Variants in TNFAIP8 observed in about 807,000 individuals in gnomAD.
TNFAIP8 encodes the protein TNF alpha induced protein 8.
TNFAIP8 carries 7 observed loss-of-function variants against 13.3 expected under a neutral mutation model. The observed-to-expected ratio is 0.52, with a 90% CI of 0.30 to 0.99. The LOEUF is 0.99. Among genes scored for constraint, TNFAIP8 ranks in the 50% least tolerant of loss-of-function variants. The probability of loss-of-function intolerance (pLI) is 0.07; values close to 1 mark genes in which losing one functional copy is unlikely to be tolerated. For synonymous variants in TNFAIP8, 94 were observed against 87.6 expected, an observed-to-expected ratio of 1.07 and a Z score of -0.41; for missense variants, 258 against 236.9, an observed-to-expected ratio of 1.09 and a Z score of -0.58.
intron 1 of TNFAIP8, among the ~76,000 whole-genome samples, chr5:119,335,500 A>G (rs952295811): frequency 9.9e-5 from 15 of 151,888 alleles, no homozygotes; most frequent in Non-Finnish European, 2.9e-5. Flanking sequence ...TTTATGTTTC[A>G]CCTGGGCTGG....
At chr5:119,358,801 C>G (rs1391555528) in intron 1 of TNFAIP8, among the ~76,000 whole-genome samples, 2 of 152,108 alleles carry the variant, frequency 1.3e-5, no homozygotes, top group Non-Finnish European at 2.9e-5. Context: ...ATCAAGGCAT[C>G]CAGGGCTCCT....
chr5:119,331,606 T>G (rs1344334106), intron 1 of TNFAIP8, among the ~76,000 whole-genome samples: 1 of 152,180 alleles, frequency 6.6e-6, no homozygotes, highest in Non-Finnish European at 1.5e-5. Context: ...CCTTGCCTGG[T>G]GTTGGGACCT....
At chr5:119,285,956 G>C (rs1203150541) in intron 1 of TNFAIP8, among the ~76,000 whole-genome samples, 1 of 152,114 alleles carries the variant, frequency 6.6e-6, no homozygotes, top group African/African-American at 2.4e-5. Context: ...AAGTTTATGA[G>C]TACATACGCT....
intron 1 of TNFAIP8, among the ~76,000 whole-genome samples, chr5:119,314,081 C>A (rs189044748): frequency 6.6e-6 from 1 of 152,318 alleles, no homozygotes; most frequent in East Asian, 1.9e-4. Flanking sequence ...GCATTACAAT[C>A]CCAGCTACTT....
At chr5:119,369,604 A>G (rs567895531) in intron 1 of TNFAIP8, among the ~76,000 whole-genome samples, 15 of 152,314 alleles carry the variant, frequency 9.8e-5, no homozygotes, top group African/African-American at 3.6e-4. Context: ...TAAATCATCC[A>G]TACATTGATA....
Position 119,393,591 on chromosome 5 carries a change from C to T in TNFAIP8, c.*210C>T, listed in dbSNP as rs1045241. The T allele has an allele frequency of 0.27, 150,006 of 549,590 alleles. 21,243 individuals carry two copies. Among genetic ancestry groups the T allele is most frequent in the African/African-American group, 0.36 (18,913 of 52,964 alleles). 34.0% of individuals were successfully genotyped at this position (549,590 alleles called of 1,614,324 possible). On this transcript the variant is annotated 3_prime_UTR_variant, in exon 2 of 2. Coordinates refer to ENST00000504771, the MANE Select transcript of TNFAIP8 (RefSeq NM_014350.4). ...AAAATTCTGGTTAAAAGCTTCCTAACGGGTAACAGACCATGGGAGAGATAT... is the reference window on the plus strand; with the variant it reads ...AAAATTCTGGTTAAAAGCTTCCTAATGGGTAACAGACCATGGGAGAGATAT...
At chr5:119,372,615 A>G (rs1752125831) in intron 1 of TNFAIP8, among the ~76,000 whole-genome samples, 1 of 152,252 alleles carries the variant, frequency 6.6e-6, no homozygotes, top group Non-Finnish European at 1.5e-5. Flanking sequence ...CCCACATACC[A>G]TAAAAATACA....
intron 1 of TNFAIP8, among the ~76,000 whole-genome samples, chr5:119,321,094 G>A (rs1750040604): frequency 6.6e-6 from 1 of 152,136 alleles, no homozygotes; most frequent in Non-Finnish European, 1.5e-5. Context: ...GCCGGTGCCT[G>A]TAGTCCCAGC....
intron 1 of TNFAIP8, among the ~76,000 whole-genome samples, chr5:119,304,251 T>C (rs761598739): frequency 3.3e-5 from 5 of 152,154 alleles, no homozygotes; most frequent in Non-Finnish European, 7.4e-5. Flanking sequence ...CCTGTGTAGC[T>C]GGGATTACAG....
chr5:119,289,575 C>T (rs1288746606), intron 1 of TNFAIP8, among the ~76,000 whole-genome samples: 2 of 152,198 alleles, frequency 1.3e-5, no homozygotes, highest in Non-Finnish European at 2.9e-5. Context: ...GGGTGCCTGG[C>T]ACAAGGGGAT....
At position 119,399,321 on chromosome 5, in the gene TNFAIP8, C is replaced by T. The variant is rs981153326; in HGVS notation, c.*5940C>T. ...TCCAGCTTCTGCCTGCCAGGGAGCT[C>T]GCTCATGTTGTCTCTGAAATTTGCA... On this transcript the variant is annotated 3_prime_UTR_variant, in exon 2 of 2. Coordinates refer to ENST00000504771, the MANE Select transcript of TNFAIP8 (RefSeq NM_014350.4). 1.3e-5 allele frequency: 2 copies of T among 152,214 alleles called. No individual in the cohort carries two copies. Among genetic ancestry groups the T allele is most frequent in the Non-Finnish European group, 2.9e-5 (2 of 68,026 alleles). The allele number at this position is 152,214 out of a possible 1,614,324, so 9.4% of individuals were successfully genotyped here.
At chr5:119,380,057 C>G (rs1055447536) in intron 1 of TNFAIP8, among the ~76,000 whole-genome samples, 1 of 152,194 alleles carries the variant, frequency 6.6e-6, no homozygotes, top group Non-Finnish European at 1.5e-5. Flanking sequence ...CAGCTGTGTG[C>G]TATAGTAAGA....
At chr5:119,307,403 T>C (rs1749598488) in intron 1 of TNFAIP8, among the ~76,000 whole-genome samples, 1 of 152,192 alleles carries the variant, frequency 6.6e-6, no homozygotes, top group Admixed American at 6.5e-5. Flanking sequence ...AAGGTGTACA[T>C]ACAGTACTTT....
chr5:119,334,805 G>A (rs923740267), intron 1 of TNFAIP8, among the ~76,000 whole-genome samples: 1 of 151,998 alleles, frequency 6.6e-6, no homozygotes, highest in Non-Finnish European at 1.5e-5. Context: ...GTGACTGTAT[G>A]TCATTGCATA....
At position 119,392,800 on chromosome 5, in the gene TNFAIP8, C is replaced by CTTT. The variant is rs80269598; in HGVS notation, c.32-5_32-3dup. 40 of 1,399,446 alleles carry CTTT rather than the reference C, an allele frequency of 2.9e-5. No homozygotes were observed. The highest frequency in any genetic ancestry group is 8.5e-5 in the South Asian group (6 of 70,554). The allele number at this position is 1,399,446 out of a possible 1,614,324, so 86.7% of individuals were successfully genotyped here. On this transcript the variant is annotated splice_polypyrimidine_tract_variant and intron_variant, in intron 1 of 1. Transcript: ENST00000504771. Reference sequence around the variant, plus strand: ...TACTAATTGTTAATTCTTTTCCTCTCTTTTTTTTTTTTTAGTGGCCACAGA... The same window carrying CTTT: ...TACTAATTGTTAATTCTTTTCCTCTCTTTTTTTTTTTTTTTTAGTGGCCACAGA...
chr5:119,300,916 G>C (rs1347203278), intron 1 of TNFAIP8, among the ~76,000 whole-genome samples: 2 of 152,236 alleles, frequency 1.3e-5, no homozygotes, highest in Non-Finnish European at 2.9e-5. Context: ...TGCAGGTGCA[G>C]ATGGGAGTTA....
At chr5:119,312,033 T>C (rs540854960) in intron 1 of TNFAIP8, among the ~76,000 whole-genome samples, 1 of 152,346 alleles carries the variant, frequency 6.6e-6, no homozygotes, top group East Asian at 1.9e-4. Flanking sequence ...CTATGAAAGA[T>C]ACACTATAGT....
intron 1 of TNFAIP8, among the ~76,000 whole-genome samples, chr5:119,325,374 C>T (rs892547275): frequency 2.0e-5 from 3 of 152,220 alleles, no homozygotes; most frequent in Non-Finnish European, 2.9e-5. Flanking sequence ...CTTACCATGT[C>T]CTATATGGTC....
chr5:119,315,354 G>A (rs1047729886), intron 1 of TNFAIP8, among the ~76,000 whole-genome samples: 3 of 152,166 alleles, frequency 2.0e-5, no homozygotes, highest in African/African-American at 7.2e-5. Flanking sequence ...AAAGTGCTGG[G>A]ATTACAGGTA....
Sources: allele counts gnomAD v4.1 joint callset (sites outside exome capture counted in the v4.1 genomes callset), GRCh38; gene constraint gnomAD v4.1.1; transcripts MANE v1.5; gene names NCBI Gene and HGNC (gene_info 2026-07-23, HGNC 2026-07-21).